Variants in ARL15 observed in about 807,000 individuals in gnomAD.
ARL15 encodes ARF like GTPase 15, also known as ADP-ribosylation factor-like protein 15.
ARL15 carries 19 observed loss-of-function variants against 25.2 expected under a neutral mutation model. The ratio of observed to expected loss-of-function variants is 0.75; its 90% CI spans 0.53 to 1.10. The LOEUF is 1.10. ARL15 is among the 50% of genes least tolerant of loss of function. The probability of loss-of-function intolerance (pLI) is 0.00; values close to 1 mark genes in which losing one functional copy is unlikely to be tolerated. For missense variants in ARL15, 220 were observed against 246.0 expected (o/e 0.89, Z 0.71); for synonymous variants, 94 against 86.8 (o/e 1.08, Z -0.46).
chr5:53,893,337 T>C (rs569314162), intron 4 of ARL15, among the ~76,000 whole-genome samples: 3 of 151,862 alleles, frequency 2.0e-5, no homozygotes, highest in Admixed American at 6.6e-5. Context: ...CTGGGCACGG[T>C]GGCTCACGCC....
At chr5:53,975,458 G>A (rs1416576513) in intron 4 of ARL15, among the ~76,000 whole-genome samples, 1 of 152,182 alleles carries the variant, frequency 6.6e-6, no homozygotes, top group Non-Finnish European at 1.5e-5. Context: ...CAAGGATCTT[G>A]GCCTTTACGG....
chr5:54,180,194 C>T (rs1303592910), intron 1 of ARL15, among the ~76,000 whole-genome samples: 1 of 151,602 alleles, frequency 6.6e-6, no homozygotes, highest in Admixed American at 6.6e-5. Flanking sequence ...AATAAATAAG[C>T]AAATACTAAA....
At chr5:53,998,116 C>A (rs1462366018) in intron 4 of ARL15, among the ~76,000 whole-genome samples, 1 of 152,090 alleles carries the variant, frequency 6.6e-6, no homozygotes, top group Non-Finnish European at 1.5e-5. Context: ...AGTTTCCTTG[C>A]CTGCAGAATG....
At chr5:53,910,817 C>A (rs2111978187) in intron 4 of ARL15, among the ~76,000 whole-genome samples, 1 of 151,532 alleles carries the variant, frequency 6.6e-6, no homozygotes, top group East Asian at 2.0e-4. Flanking sequence ...CCCAGAGCAA[C>A]AAATATGAAA....
chr5:54,199,318 G>A (rs2112477995), intron 1 of ARL15, among the ~76,000 whole-genome samples: 1 of 151,976 alleles, frequency 6.6e-6, no homozygotes. Flanking sequence ...AAACTAAAGA[G>A]CTTCTGCACA....
intron 1 of ARL15, among the ~76,000 whole-genome samples, chr5:54,180,030 A>AG (rs1250786042): frequency 6.6e-6 from 1 of 151,780 alleles, no homozygotes; most frequent in African/African-American, 2.4e-5. Context: ...AAAAAAAAAA[A>AG]AAAAAAAGAG....
intron 4 of ARL15, among the ~76,000 whole-genome samples, chr5:53,891,285 G>A (rs1744700387): frequency 6.6e-6 from 1 of 152,208 alleles, no homozygotes; most frequent in African/African-American, 2.4e-5. Flanking sequence ...GTGTGTGAAA[G>A]AGAGTCATGT....
At chr5:54,308,812 G>A (rs957222692) in intron 1 of ARL15, among the ~76,000 whole-genome samples, 3 of 151,982 alleles carry the variant, frequency 2.0e-5, no homozygotes, top group Non-Finnish European at 2.9e-5. Context: ...AAACACATCC[G>A]GTAAATAAAG....
At chr5:54,154,530 A>G (rs1754163949) in intron 3 of ARL15, 50 bp downstream of exon 3, 1 of 1,215,114 alleles carries the variant, frequency 8.2e-7, no homozygotes, top group Non-Finnish European at 1.1e-6. Flanking sequence ...CATTATTACC[A>G]AATTCATAAA....
intron 4 of ARL15, among the ~76,000 whole-genome samples, chr5:53,938,683 G>C (rs571231772): frequency 6.6e-6 from 1 of 152,092 alleles, no homozygotes. Flanking sequence ...AAAATTGGCC[G>C]GGTGTGGTGC....
chr5:53,902,321 G>A (rs1329894463), intron 4 of ARL15, among the ~76,000 whole-genome samples: 3 of 152,182 alleles, frequency 2.0e-5, no homozygotes, highest in Non-Finnish European at 4.4e-5. Flanking sequence ...GCACCCTTGT[G>A]CACTTTATTA....
intron 4 of ARL15, among the ~76,000 whole-genome samples, chr5:53,944,192 G>A (rs1270784447): frequency 6.6e-6 from 1 of 152,140 alleles, no homozygotes; most frequent in African/African-American, 2.4e-5. Flanking sequence ...ACTAAAAGGA[G>A]TTTAAAAGTA....
intron 1 of ARL15, among the ~76,000 whole-genome samples, chr5:54,259,192 T>A (rs963492850): frequency 6.6e-6 from 1 of 152,094 alleles, no homozygotes; most frequent in Non-Finnish European, 1.5e-5. Flanking sequence ...CCATGGGCAC[T>A]CACCCATTTG....
At chr5:53,924,421 A>G (rs903977339) in intron 4 of ARL15, among the ~76,000 whole-genome samples, 4 of 152,140 alleles carry the variant, frequency 2.6e-5, no homozygotes, top group Non-Finnish European at 4.4e-5. Flanking sequence ...TGAAAATAAG[A>G]TTCATTCCAA....
intron 4 of ARL15, among the ~76,000 whole-genome samples, chr5:53,902,976 G>C (rs1315396885): frequency 6.6e-6 from 1 of 152,160 alleles, no homozygotes; most frequent in African/African-American, 2.4e-5. Context: ...GTCAGTCACG[G>C]GAAGGGAATT....
intron 4 of ARL15, among the ~76,000 whole-genome samples, chr5:53,985,804 G>A (rs1748279353): frequency 1.3e-5 from 2 of 152,046 alleles, no homozygotes; most frequent in Non-Finnish European, 1.5e-5. Flanking sequence ...CTTTTTTATG[G>A]TATTTTCAAA....
intron 4 of ARL15, among the ~76,000 whole-genome samples, chr5:53,993,858 G>GA (rs1400094930): frequency 2.0e-5 from 3 of 152,150 alleles, no homozygotes; most frequent in African/African-American, 7.2e-5. Context: ...GAATTAAAGG[G>GA]AAAATTCCAG....
chr5:53,905,998 A>G (rs1184944180), intron 4 of ARL15, among the ~76,000 whole-genome samples: 1 of 152,188 alleles, frequency 6.6e-6, no homozygotes, highest in African/African-American at 2.4e-5. Flanking sequence ...CTTTCACTGA[A>G]AAAAAGGAAA....
chr5:54,085,938 G>A (rs1751951578), intron 4 of ARL15, among the ~76,000 whole-genome samples: 1 of 150,450 alleles, frequency 6.6e-6, no homozygotes, highest in African/African-American at 2.4e-5. Context: ...TTTTTAGATG[G>A]CGTTTCACTC....
Sources: allele counts gnomAD v4.1 joint callset (sites outside exome capture counted in the v4.1 genomes callset), GRCh38; gene constraint gnomAD v4.1.1; transcripts MANE v1.5; gene names NCBI Gene and HGNC (gene_info 2026-07-23, HGNC 2026-07-21).